STX8: variants seen among roughly 807,000 people sequenced by gnomAD.
STX8 encodes the protein syntaxin 8.
STX8 carries 23 observed loss-of-function variants against 37.5 expected under a neutral mutation model. The ratio of observed to expected loss-of-function variants is 0.61; its 90% CI spans 0.44 to 0.87. The LOEUF (loss-of-function observed/expected upper bound fraction) is 0.87, where lower values mean the gene tolerates loss of function less well. Ranked by LOEUF, STX8 falls within the 40% of genes least tolerant of loss-of-function variation. The pLI is 0.00. For missense variants in STX8, 313 were observed against 284.7 expected, an observed-to-expected ratio of 1.10 and a Z score of -0.71; for synonymous variants, 115 against 99.1, an observed-to-expected ratio of 1.16 and a Z score of -0.95.
chr17:9,378,466 A>T, intron 7 of STX8, 86 bp downstream of exon 7: 1 of 1,217,460 alleles, frequency 8.2e-7, no homozygotes, highest in Non-Finnish European at 1.2e-6. Flanking sequence ...CCAAATCCCC[A>T]CAGTAATTAG....
chr17:9,417,707 C>T (rs543630710), intron 6 of STX8, among the ~76,000 whole-genome samples: 5 of 152,314 alleles, frequency 3.3e-5, no homozygotes, highest in African/African-American at 1.2e-4. Context: ...CCCCCAAACC[C>T]AACCTCTGAG....
At chr17:9,463,455 T>C (rs1047629680) in intron 6 of STX8, among the ~76,000 whole-genome samples, 1 of 152,160 alleles carries the variant, frequency 6.6e-6, no homozygotes, top group East Asian at 1.9e-4. Flanking sequence ...CAAATCAAAA[T>C]ACTTTTATTT....
At chr17:9,316,584 T>C (rs552690232) in intron 7 of STX8, among the ~76,000 whole-genome samples, 10 of 152,320 alleles carry the variant, frequency 6.6e-5, no homozygotes, top group Admixed American at 5.2e-4. Context: ...AGAGAGTGCA[T>C]GGAAGCTCTG....
intron 7 of STX8, among the ~76,000 whole-genome samples, chr17:9,335,552 T>C (rs1475895411): frequency 6.6e-6 from 1 of 152,116 alleles, no homozygotes; most frequent in Non-Finnish European, 1.5e-5. Flanking sequence ...GCTATATGCA[T>C]TCATAGAAAA....
At chr17:9,302,379 T>C (rs924350750) in intron 7 of STX8, among the ~76,000 whole-genome samples, 1 of 152,212 alleles carries the variant, frequency 6.6e-6, no homozygotes, top group Non-Finnish European at 1.5e-5. Context: ...ATAAACCTAC[T>C]GTTTATATGC....
intron 4 of STX8, among the ~76,000 whole-genome samples, 154 bp from the exon 5 acceptor site, chr17:9,505,316 TC>T (rs1161658187): frequency 6.6e-6 from 1 of 152,228 alleles, no homozygotes; most frequent in Non-Finnish European, 1.5e-5. Context: ...GGAACTGTAT[TC>T]AGTGCTGGAC....
intron 6 of STX8, chr17:9,470,025 T>G (rs1053279718): frequency 5.9e-5 from 9 of 152,200 alleles, no homozygotes; most frequent in Non-Finnish European, 8.8e-5. Flanking sequence ...CTTGTGGATT[T>G]CAAACTAACC....
At chr17:9,465,783 G>C (rs1474276801) in intron 6 of STX8, among the ~76,000 whole-genome samples, 1 of 152,118 alleles carries the variant, frequency 6.6e-6, no homozygotes, top group East Asian at 1.9e-4. Context: ...ACTGAGCCCT[G>C]CATATACGCG....
In STX8 at chr17:9,458,112, G is replaced by A. The variant is rs1262161217; in HGVS notation, c.541+33717C>T. On this transcript the variant is annotated intron_variant, in intron 6 of 7. Transcript: ENST00000306357. ...ATGTATTCTAGTTATGGTTACCTCT[G>A]CATATACTATTATATATGGAGGAGT... Among the ~76,000 whole-genome samples the A allele has an allele frequency of 5.3e-5, 8 of 152,192 alleles. No homozygotes were observed. The South Asian group carries it at 1.7e-3, about 31-fold the overall frequency.
chr17:9,282,564 G>C (rs1213920316), intron 7 of STX8, among the ~76,000 whole-genome samples: 1 of 152,210 alleles, frequency 6.6e-6, no homozygotes, highest in African/African-American at 2.4e-5. Context: ...GCACGCAGTT[G>C]GTGCAACTGG....
Position 9,509,640 on chromosome 17 carries a change from G to A in STX8, c.324-4478C>T, listed in dbSNP as rs1904959580. Among the ~76,000 whole-genome samples, 3 of 152,092 alleles carry A rather than the reference G, an allele frequency of 2.0e-5. No homozygotes were observed. In the South Asian group the frequency reaches 6.2e-4, roughly 32 times the overall value. ...GTAGAGCCAATATACAAAGGAAAAAGAGAAAGAAATCAAGCCTTATCACTT... is the reference window on the plus strand; with the variant it reads ...GTAGAGCCAATATACAAAGGAAAAAAAGAAAGAAATCAAGCCTTATCACTT... On this transcript the variant is annotated intron_variant, in intron 4 of 7. Transcript: ENST00000306357.
intron 4 of STX8, among the ~76,000 whole-genome samples, chr17:9,541,514 T>C (rs1906277947): frequency 6.6e-6 from 1 of 152,162 alleles, no homozygotes; most frequent in Non-Finnish European, 1.5e-5. Flanking sequence ...GCCTGTCTCA[T>C]AGCAATCACT....
chr17:9,571,397 C>A (rs935089323), intron 1 of STX8, among the ~76,000 whole-genome samples: 1 of 151,870 alleles, frequency 6.6e-6, no homozygotes, highest in Admixed American at 6.6e-5. Flanking sequence ...AAAGTCCGGG[C>A]GGGAACCCTT....
intron 6 of STX8, among the ~76,000 whole-genome samples, chr17:9,451,505 C>T (rs1275396157): frequency 2.0e-5 from 3 of 152,046 alleles, no homozygotes; most frequent in South Asian, 2.1e-4. Flanking sequence ...TGCTAGGGTT[C>T]GTGGTGTCTA....
At chr17:9,536,313 CGGGAGATGAA>C (rs904313078) in intron 4 of STX8, among the ~76,000 whole-genome samples, 2 of 152,120 alleles carry the variant, frequency 1.3e-5, no homozygotes, top group African/African-American at 4.8e-5. Context: ...CATCGAGTAT[CGGGAGATGAA>C]GGGAAATGAA....
intron 7 of STX8, among the ~76,000 whole-genome samples, chr17:9,342,210 G>GC (rs771155847): frequency 1.3e-5 from 2 of 152,172 alleles, no homozygotes; most frequent in Non-Finnish European, 1.5e-5. Context: ...CTGACAGGAG[G>GC]CGGAGCTCAG....
At chr17:9,486,402 C>T (rs1465012763) in intron 6 of STX8, among the ~76,000 whole-genome samples, 1 of 152,188 alleles carries the variant, frequency 6.6e-6, no homozygotes, top group Non-Finnish European at 1.5e-5. Context: ...CCTGCACACA[C>T]CAGCAGAGAT....
intron 6 of STX8, among the ~76,000 whole-genome samples, chr17:9,426,855 A>C (rs1913649547): frequency 6.6e-6 from 1 of 152,182 alleles, no homozygotes; most frequent in Non-Finnish European, 1.5e-5. Context: ...ATTCAATATA[A>C]GTTATATCTT....
rs113719159 is a variant in STX8, at chr17:9,568,253, G to A, written c.117+118C>T. Reference sequence around the variant, plus strand: ...TGGGTGTTATGTCAATTCAACATATGTAAGCAGATAGATCATCATACACAC... The same window carrying A: ...TGGGTGTTATGTCAATTCAACATATATAAGCAGATAGATCATCATACACAC... On this transcript the variant is annotated intron_variant, in intron 2 of 7. Coordinates refer to ENST00000306357, the MANE Select transcript of STX8 (RefSeq NM_004853.3). The A allele has an allele frequency of 5.6e-4, 391 of 698,394 alleles. 4 individuals are homozygous for A. The highest frequency in any genetic ancestry group is 4.3e-3 in the African/African-American group (239 of 55,950). 43.3% of individuals were successfully genotyped at this position (698,394 alleles called of 1,614,324 possible). A position where few individuals can be genotyped will look rare whatever the true frequency, so the allele number is the denominator to read the frequency against.
Sources: gnomAD v4.1 joint callset for allele counts (sites outside exome capture counted in the v4.1 genomes callset) on GRCh38, gnomAD v4.1.1 for gene constraint, MANE v1.5 for transcripts, NCBI Gene and HGNC (gene_info 2026-07-23, HGNC 2026-07-21) for gene names.